CTNNA3: variants seen among roughly 807,000 people sequenced by gnomAD.
CTNNA3 encodes the protein catenin alpha 3.
In CTNNA3, 76 loss-of-function variants were observed where a neutral mutation model predicts 95.7. The ratio of observed to expected loss-of-function variants is 0.79; its 90% CI spans 0.66 to 0.96. The LOEUF (loss-of-function observed/expected upper bound fraction) is 0.96, where lower values mean the gene tolerates loss of function less well. Among genes scored for constraint, CTNNA3 ranks in the 40% least tolerant of loss-of-function variants. CTNNA3 has a pLI of 0.00. For missense variants in CTNNA3, 1,191 were observed against 1,089.8 expected (o/e 1.09, Z -1.31); for synonymous variants, 431 against 374.4 (o/e 1.15, Z -1.74).
chr10:66,106,986 C>A (rs73312106), intron 13 of CTNNA3, among the ~76,000 whole-genome samples: 3,280 of 152,272 alleles, frequency 0.022, 122 homozygotes, highest in African/African-American at 0.075. Context: ...ATTACCCATG[C>A]ACTGCTTCCT....
intron 7 of CTNNA3, among the ~76,000 whole-genome samples, chr10:67,123,416 A>G (rs910170457): frequency 6.6e-6 from 1 of 152,184 alleles, no homozygotes; most frequent in Non-Finnish European, 1.5e-5. Flanking sequence ...AGCAGAGTCA[A>G]TTCACCACTG....
At chr10:65,952,260 G>A (rs2077634043) in intron 17 of CTNNA3, among the ~76,000 whole-genome samples, 1 of 152,040 alleles carries the variant, frequency 6.6e-6, no homozygotes, top group African/African-American at 2.4e-5. Context: ...AGAAAAAAAG[G>A]AAGAACAGCA....
At chr10:67,166,105 C>G (rs1448231577) in intron 7 of CTNNA3, among the ~76,000 whole-genome samples, 1 of 152,166 alleles carries the variant, frequency 6.6e-6, no homozygotes, top group Non-Finnish European at 1.5e-5. Flanking sequence ...CTGCAAGAGG[C>G]TAAATAAACA....
At chr10:65,966,113 T>A (rs1216039968) in intron 17 of CTNNA3, among the ~76,000 whole-genome samples, 4 of 152,096 alleles carry the variant, frequency 2.6e-5, no homozygotes, top group Non-Finnish European at 5.9e-5. Flanking sequence ...TTCCTCTAAA[T>A]CTATTAAGTT....
At chr10:66,767,254 T>C (rs1056199138) in intron 8 of CTNNA3, among the ~76,000 whole-genome samples, 2 of 152,014 alleles carry the variant, frequency 1.3e-5, no homozygotes, top group Non-Finnish European at 2.9e-5. Flanking sequence ...GAGAACAGCC[T>C]GGCCAACATG....
chr10:66,757,626 A>G (rs1839417681), intron 9 of CTNNA3, among the ~76,000 whole-genome samples: 1 of 152,174 alleles, frequency 6.6e-6, no homozygotes, highest in African/African-American at 2.4e-5. Flanking sequence ...AAGGTGGAAT[A>G]AGAAGAAATC....
chr10:66,204,936 T>A (rs1473470837), intron 13 of CTNNA3, among the ~76,000 whole-genome samples: 2 of 152,152 alleles, frequency 1.3e-5, no homozygotes, highest in Non-Finnish European at 2.9e-5. Context: ...GACTGTGCTT[T>A]ATTACCAATC....
At chr10:67,001,388 T>C (rs557573517) in intron 7 of CTNNA3, among the ~76,000 whole-genome samples, 195 of 150,658 alleles carry the variant, frequency 1.3e-3, no homozygotes, top group Non-Finnish European at 1.6e-3. Context: ...ACTTCTAGAA[T>C]GCTAGGTACT....
chr10:66,057,876 A>T (rs1272767391), intron 15 of CTNNA3, among the ~76,000 whole-genome samples: 2 of 152,166 alleles, frequency 1.3e-5, no homozygotes, highest in Non-Finnish European at 2.9e-5. Context: ...TTATATTTCA[A>T]TTATTTGTTA....
At chr10:66,019,469 C>T (rs2079157546) in intron 15 of CTNNA3, among the ~76,000 whole-genome samples, 1 of 152,114 alleles carries the variant, frequency 6.6e-6, no homozygotes, top group Non-Finnish European at 1.5e-5. Context: ...GATCCCACTT[C>T]TCCTACTGTA....
intron 1 of CTNNA3, among the ~76,000 whole-genome samples, chr10:67,731,447 C>A (rs1327194828): frequency 1.3e-5 from 2 of 152,058 alleles, no homozygotes; most frequent in African/African-American, 2.4e-5. Flanking sequence ...CACCACTGCA[C>A]TCCAGCCTGG....
At chr10:65,944,900 C>CT (rs1554818820) in intron 17 of CTNNA3, among the ~76,000 whole-genome samples, 56 of 111,964 alleles carry the variant, frequency 5.0e-4, no homozygotes, top group East Asian at 3.8e-3. Context: ...ATCTATCTAT[C>CT]ATCTATCTAT....
intron 13 of CTNNA3, among the ~76,000 whole-genome samples, chr10:66,163,456 T>C (rs1043818419): frequency 6.6e-6 from 1 of 152,082 alleles, no homozygotes; most frequent in Non-Finnish European, 1.5e-5. Flanking sequence ...AGTCAGAAAT[T>C]TCTCCTGCAA....
At chr10:66,041,832 C>T (rs1276478421) in intron 15 of CTNNA3, among the ~76,000 whole-genome samples, 2 of 152,246 alleles carry the variant, frequency 1.3e-5, no homozygotes, top group East Asian at 1.9e-4. Context: ...TAACTCCATT[C>T]TTATATCCCT....
intron 13 of CTNNA3, among the ~76,000 whole-genome samples, chr10:66,275,361 G>A (rs1342029057): frequency 5.3e-5 from 8 of 152,214 alleles, no homozygotes; most frequent in Admixed American, 1.3e-4. Flanking sequence ...CAGGCAATCC[G>A]CCCACCTTGG....
At chr10:65,955,325 A>G (rs1049229424) in intron 17 of CTNNA3, among the ~76,000 whole-genome samples, 1 of 152,200 alleles carries the variant, frequency 6.6e-6, no homozygotes, top group Non-Finnish European at 1.5e-5. Flanking sequence ...CAATCATGTC[A>G]TCTGCAAACA....
At position 67,439,815 on chromosome 10, in the gene CTNNA3, G is replaced by A. The variant is rs190319262; in HGVS notation, c.579+82027C>T. 3.2e-3 allele frequency among the ~76,000 whole-genome samples: 482 copies of A among 152,096 alleles called. 2 individuals carry two copies. Among genetic ancestry groups the A allele is most frequent in the African/African-American group, 0.011 (467 of 41,510 alleles). ...TCTGACTAAGGAGCCCTTCGGCCCC[G>A]AACAACCAAAGGCAATATCCAGGTA... is the stretch of plus-strand genomic sequence containing the variant. On this transcript the variant is annotated intron_variant, in intron 5 of 17. Coordinates refer to ENST00000433211, the MANE Select transcript of CTNNA3 (RefSeq NM_013266.4).
intron 7 of CTNNA3, among the ~76,000 whole-genome samples, chr10:67,005,021 G>A (rs1851889778): frequency 6.6e-6 from 1 of 151,720 alleles, no homozygotes; most frequent in African/African-American, 2.4e-5. Flanking sequence ...TAGTTTCATA[G>A]AGATAATCAC....
chr10:67,738,756 T>G (rs1299355526), intron 1 of CTNNA3, among the ~76,000 whole-genome samples: 1 of 151,400 alleles, frequency 6.6e-6, no homozygotes, highest in Non-Finnish European at 1.5e-5. Flanking sequence ...AAGGACCTGA[T>G]GAAGCTGAAA....
Sources: gnomAD v4.1 joint callset for allele counts (sites outside exome capture counted in the v4.1 genomes callset) on GRCh38, gnomAD v4.1.1 for gene constraint, MANE v1.5 for transcripts, NCBI Gene and HGNC (gene_info 2026-07-23, HGNC 2026-07-21) for gene names.